The following NIM1K variants were observed in gnomAD, a reference collection of about 807,000 sequenced individuals.
NIM1K encodes serine/threonine-protein kinase NIM1.
NIM1K carries 35 observed loss-of-function variants against 37.1 expected under a neutral mutation model. The observed-to-expected ratio is 0.94, with a 90% CI of 0.72 to 1.25. The LOEUF (loss-of-function observed/expected upper bound fraction) is 1.25, where lower values mean the gene tolerates loss of function less well. NIM1K is among the 50% of genes most tolerant of loss of function. The pLI is 0.00. For synonymous variants in NIM1K, 234 were observed against 206.6 expected (o/e 1.13, Z -1.14); for missense variants, 564 against 548.0 (o/e 1.03, Z -0.29).
At chr5:43,249,372 C>A (rs1168594611) in intron 2 of NIM1K, among the ~76,000 whole-genome samples, 1 of 152,070 alleles carries the variant, frequency 6.6e-6, no homozygotes, top group Non-Finnish European at 1.5e-5. Flanking sequence ...CCGGCCCTTA[C>A]TCAGTCTTTT....
At chr5:43,244,143 A>G (rs1752743781) in intron 1 of NIM1K, among the ~76,000 whole-genome samples, 1 of 152,220 alleles carries the variant, frequency 6.6e-6, no homozygotes, top group African/African-American at 2.4e-5. Flanking sequence ...CTTAATTGTA[A>G]TAATGTGATA....
intron 1 of NIM1K, among the ~76,000 whole-genome samples, chr5:43,214,947 G>C (rs907077965): frequency 6.6e-6 from 1 of 152,130 alleles, no homozygotes; most frequent in Non-Finnish European, 1.5e-5. Flanking sequence ...GTTGTACAGA[G>C]GTGGGGGTAG....
At chr5:43,243,253 A>G (rs1752730167) in intron 1 of NIM1K, among the ~76,000 whole-genome samples, 1 of 152,180 alleles carries the variant, frequency 6.6e-6, no homozygotes, top group Non-Finnish European at 1.5e-5. Flanking sequence ...TGGAAAATCT[A>G]TATTTTTCTT....
At chr5:43,267,329 A>G (rs1753180356) in intron 2 of NIM1K, among the ~76,000 whole-genome samples, 1 of 152,098 alleles carries the variant, frequency 6.6e-6, no homozygotes, top group Non-Finnish European at 1.5e-5. Flanking sequence ...TTCTAATTGA[A>G]CTTATTCAAA....
At chr5:43,236,451 A>C (rs778429383) in intron 1 of NIM1K, among the ~76,000 whole-genome samples, 2 of 152,156 alleles carry the variant, frequency 1.3e-5, no homozygotes, top group African/African-American at 2.4e-5. Flanking sequence ...CCCTGCCTCT[A>C]AATAAAAAAA....
chr5:43,206,499 C>CA (rs11286972), intron 1 of NIM1K, among the ~76,000 whole-genome samples: 21,939 of 83,390 alleles, frequency 0.26, 3,027 homozygotes, highest in Non-Finnish European at 0.33. Flanking sequence ...GACCCTGCCT[C>CA]AAAAAAAAAA....
chr5:43,220,080 A>AT (rs1406211504), intron 1 of NIM1K, among the ~76,000 whole-genome samples: 1 of 151,824 alleles, frequency 6.6e-6, no homozygotes, highest in East Asian at 1.9e-4. Context: ...CAGTTTATGT[A>AT]TTTTTTCTTT....
At chr5:43,227,650 G>C (rs1003458170) in intron 1 of NIM1K, among the ~76,000 whole-genome samples, 4 of 151,918 alleles carry the variant, frequency 2.6e-5, no homozygotes, top group African/African-American at 9.7e-5. Context: ...AAGGGAATTG[G>C]GCTATGCTAT....
intron 1 of NIM1K, among the ~76,000 whole-genome samples, chr5:43,200,501 C>T (rs1344400533): frequency 1.3e-5 from 2 of 151,468 alleles, no homozygotes; most frequent in Non-Finnish European, 2.9e-5. Context: ...GGGGTTTCCC[C>T]GTGTTAGCCA....
At chr5:43,198,986 C>T (rs1393217777) in intron 1 of NIM1K, among the ~76,000 whole-genome samples, 4 of 151,514 alleles carry the variant, frequency 2.6e-5, no homozygotes, top group East Asian at 1.9e-4. Context: ...GTCAGGAGTT[C>T]GAGACCAGCC....
Position 43,232,066 on chromosome 5 carries a change from A to G in NIM1K, c.-694-13016A>G. ...GCACACAGCTCTCTGTGTCTTGACC[A>G]GGTCTCCACCAGTCACCACAGTGGG... On this transcript the variant is annotated intron_variant, in intron 1 of 3. Transcript: ENST00000326035. 8.7e-6 allele frequency: 9 copies of G among 1,033,370 alleles called. No homozygotes were observed. The South Asian group carries it at 1.1e-4, about 13-fold the overall frequency. The allele number at this position is 1,033,370 out of a possible 1,614,324, so 64.0% of individuals were successfully genotyped here.
In NIM1K at chr5:43,274,140, A is replaced by G. The variant is rs552152378; in HGVS notation, c.293-2917A>G. Among the ~76,000 whole-genome samples, 4 of 152,254 alleles carry G rather than the reference A, an allele frequency of 2.6e-5. No homozygotes were observed. The East Asian group carries it at 7.7e-4, about 29-fold the overall frequency. On this transcript the variant is annotated intron_variant, in intron 2 of 3. Transcript: ENST00000326035. ...GCCATTGAGGCACCTAGGGCAGAGG[A>G]TTTAAGGAAGCTTTCACCCTTACAA...
At position 43,279,903 on chromosome 5, in the gene NIM1K, G is replaced by A. The variant is rs1016898206; in HGVS notation, c.562-77G>A. On this transcript the variant is annotated intron_variant, in intron 3 of 3. Transcript: ENST00000326035. ...GTTATTCCACCATCATTATCTCACT[G>A]TTTCAGAGCAACTGATACATTTTTT... 6 of 1,199,126 alleles carry A rather than the reference G, an allele frequency of 5.0e-6. No homozygotes were observed. In the African/African-American group the frequency reaches 9.1e-5, roughly 18 times the overall value. 74.3% of individuals were successfully genotyped at this position (1,199,126 alleles called of 1,614,324 possible). A position where few individuals can be genotyped will look rare whatever the true frequency, so the allele number is the denominator to read the frequency against.
chr5:43,266,726 T>C (rs1753168563), intron 2 of NIM1K, among the ~76,000 whole-genome samples: 1 of 152,224 alleles, frequency 6.6e-6, no homozygotes, highest in South Asian at 2.1e-4. Context: ...ACTGGAGCTG[T>C]TCCTATTTGG....
chr5:43,249,956 C>G lies in NIM1K; in HGVS notation c.292+3889C>G, dbSNP rs75472192. Among the ~76,000 whole-genome samples the G allele has an allele frequency of 9.0e-3, 1,358 of 150,334 alleles. 84 individuals are homozygous for G. In the East Asian group the frequency reaches 0.16, roughly 17 times the overall value. ...CAAGCTCTGCCTCCTGGGTTCATGC[C>G]GTTCTCCTGCCTCAACCTCCCGAGG... On this transcript the variant is annotated intron_variant, in intron 2 of 3. Coordinates refer to ENST00000326035, the MANE Select transcript of NIM1K (RefSeq NM_153361.4).
At chr5:43,232,292 G>A in intron 1 of NIM1K, 1 of 1,166,496 alleles carries the variant, frequency 8.6e-7, no homozygotes, top group Non-Finnish European at 1.3e-6. Flanking sequence ...CTGAAAGCAA[G>A]CACTGGCAGT....
intron 2 of NIM1K, among the ~76,000 whole-genome samples, chr5:43,255,754 A>AAAAAAGAAAGAAAG (rs112325348): frequency 0.43 from 56,911 of 131,540 alleles, 14,014 homozygotes; most frequent in Non-Finnish European, 0.55. Flanking sequence ...TCTCAAAAAA[A>AAAAAAGAAAGAAAG]AAAGAAAGAA....
At chr5:43,275,663 A>C (rs1753326974) in intron 2 of NIM1K, among the ~76,000 whole-genome samples, 1 of 152,126 alleles carries the variant, frequency 6.6e-6, no homozygotes, top group Non-Finnish European at 1.5e-5. Flanking sequence ...GAATGGGGCA[A>C]GAGAGGGAGA....
intron 2 of NIM1K, among the ~76,000 whole-genome samples, chr5:43,276,139 C>T (rs913383889): frequency 6.6e-5 from 10 of 152,114 alleles, no homozygotes; most frequent in African/African-American, 7.2e-5. Context: ...GTGATCCTCC[C>T]GCCTTGGCCT....
Sources: allele counts gnomAD v4.1 joint callset (sites outside exome capture counted in the v4.1 genomes callset), GRCh38; gene constraint gnomAD v4.1.1; transcripts MANE v1.5; gene names NCBI Gene and HGNC (gene_info 2026-07-23, HGNC 2026-07-21).